Variants in DLG2 observed in about 807,000 individuals in gnomAD.
DLG2 encodes the protein discs large MAGUK scaffold protein 2, also known as disks large homolog 2.
In DLG2, 45 loss-of-function variants were observed where a neutral mutation model predicts 132.5. The observed-to-expected ratio is 0.34, with a 90% CI of 0.27 to 0.44. The LOEUF is 0.44. Ranked by LOEUF, DLG2 falls within the 20% of genes least tolerant of loss-of-function variation. DLG2 has a pLI of 1.00. For missense variants in DLG2, 1,045 were observed against 1,196.9 expected (o/e 0.87, Z 1.87); for synonymous variants, 424 against 419.6 (o/e 1.01, Z -0.13).
chr11:84,601,022 G>A lies in DLG2; in HGVS notation c.358-66291C>T, dbSNP rs2099575532. Among the ~76,000 whole-genome samples, 4 of 152,090 alleles carry A rather than the reference G, an allele frequency of 2.6e-5. No individual in the cohort carries two copies. The South Asian group carries it at 8.3e-4, about 32-fold the overall frequency. ...TTTGACTAATTAAAATATGAACTTT[G>A]CTCACTTCATTGTGTTTGGATTATA... On this transcript the variant is annotated intron_variant, in intron 6 of 27. Transcript: ENST00000376104.
intron 4 of DLG2, among the ~76,000 whole-genome samples, chr11:85,269,462 AG>A (rs1385662555): frequency 6.6e-6 from 1 of 152,228 alleles, no homozygotes; most frequent in Admixed American, 6.5e-5. Flanking sequence ...TGACTCCCCA[AG>A]GGGCAGAAAA....
At chr11:84,783,240 G>A (rs1328617378) in intron 6 of DLG2, among the ~76,000 whole-genome samples, 1 of 152,094 alleles carries the variant, frequency 6.6e-6, no homozygotes. Flanking sequence ...TCACTTACTA[G>A]CTATTTTCAT....
intron 4 of DLG2, among the ~76,000 whole-genome samples, chr11:85,246,256 G>A (rs960154555): frequency 6.6e-6 from 1 of 151,726 alleles, no homozygotes; most frequent in African/African-American, 2.4e-5. Context: ...CTCTAAATAA[G>A]TGCCCAAAAA....
intron 19 of DLG2, among the ~76,000 whole-genome samples, chr11:83,598,567 C>A (rs952161892): frequency 1.3e-5 from 2 of 152,074 alleles, no homozygotes; most frequent in Non-Finnish European, 2.9e-5. Context: ...CATTTGGATT[C>A]AAGAGTACTT....
chr11:83,496,159 G>A (rs1333811655), intron 21 of DLG2, among the ~76,000 whole-genome samples: 2 of 150,544 alleles, frequency 1.3e-5, no homozygotes, highest in African/African-American at 4.9e-5. Flanking sequence ...AAATGAGCTA[G>A]AGACTTGACT....
chr11:84,342,135 T>G (rs10898227), intron 7 of DLG2, among the ~76,000 whole-genome samples: 60,476 of 151,988 alleles, frequency 0.4, 16,561 homozygotes, highest in African/African-American at 0.78. Context: ...TGATGGGTCA[T>G]CTGGCTGTTC....
chr11:84,659,308 G>C (rs7110290), intron 6 of DLG2, among the ~76,000 whole-genome samples: 1 of 151,688 alleles, frequency 6.6e-6, no homozygotes, highest in Non-Finnish European at 1.5e-5. Context: ...CTAAAGTGTG[G>C]GCTCTCTATT....
chr11:85,005,867 C>T (rs2058613929), intron 6 of DLG2, among the ~76,000 whole-genome samples: 1 of 152,050 alleles, frequency 6.6e-6, no homozygotes, highest in East Asian at 1.9e-4. Context: ...ATGGGTCTGT[C>T]ATACATAGCT....
chr11:83,850,996 G>A (rs2059648051), intron 16 of DLG2, among the ~76,000 whole-genome samples: 1 of 152,030 alleles, frequency 6.6e-6, no homozygotes, highest in Admixed American at 6.5e-5. Flanking sequence ...CTAACACGGT[G>A]AAACCCCGTC....
chr11:84,313,546 A>G (rs796653244), intron 7 of DLG2, among the ~76,000 whole-genome samples: 1,157 of 44,178 alleles, frequency 0.026, 8 homozygotes, highest in Non-Finnish European at 0.041. Flanking sequence ...GGAAGGAAGG[A>G]AGGGAGGGAG....
In DLG2 at chr11:83,642,705, C is replaced by G. The variant is rs565504403; in HGVS notation, c.1826-9380G>C. Among the ~76,000 whole-genome samples the G allele has an allele frequency of 2.0e-4, 31 of 152,206 alleles. No individual in the cohort carries two copies. The Middle Eastern group carries it at 0.027, about 134-fold the overall frequency. ...CAGAAACTTCCTGAAGTTGGCAAAG[C>G]TTGTTTTCTTTGGCTGACAGGAGTA... On this transcript the variant is annotated intron_variant, in intron 18 of 27. Transcript: ENST00000376104.
At chr11:84,181,754 T>C (rs1188554800) in intron 8 of DLG2, among the ~76,000 whole-genome samples, 1 of 152,084 alleles carries the variant, frequency 6.6e-6, no homozygotes, top group Non-Finnish European at 1.5e-5. Flanking sequence ...GGAGCAGATA[T>C]CAACGCAAGA....
At chr11:84,751,099 A>G (rs909150991) in intron 6 of DLG2, among the ~76,000 whole-genome samples, 1 of 152,186 alleles carries the variant, frequency 6.6e-6, no homozygotes, top group Non-Finnish European at 1.5e-5. Flanking sequence ...TTGCACTTTT[A>G]GAGGAATTGA....
intron 17 of DLG2, among the ~76,000 whole-genome samples, chr11:83,801,695 T>C (rs2044429606): frequency 6.6e-6 from 1 of 152,148 alleles, no homozygotes; most frequent in Non-Finnish European, 1.5e-5. Flanking sequence ...TCCCAGCCTA[T>C]CTCTAATTCA....
intron 5 of DLG2, among the ~76,000 whole-genome samples, chr11:85,153,373 C>T (rs2077391905): frequency 6.6e-6 from 1 of 152,186 alleles, no homozygotes; most frequent in Non-Finnish European, 1.5e-5. Flanking sequence ...CATTAGTCAG[C>T]TTTCCTCTAA....
chr11:85,626,562 A>C (rs2082040962), intron 2 of DLG2, 25 bp downstream of exon 2: 1 of 152,192 alleles, frequency 6.6e-6, no homozygotes, highest in African/African-American at 2.4e-5. Context: ...AGAACCAACA[A>C]AAGGGAGAAA....
At chr11:84,735,600 T>C (rs377532652) in intron 6 of DLG2, among the ~76,000 whole-genome samples, 14 of 152,194 alleles carry the variant, frequency 9.2e-5, no homozygotes, top group Non-Finnish European at 1.5e-4. Context: ...CCTGGATTCA[T>C]TGAATTTTTG....
chr11:84,747,384 T>A (rs1044386032), intron 6 of DLG2, among the ~76,000 whole-genome samples: 1 of 152,138 alleles, frequency 6.6e-6, no homozygotes, highest in African/African-American at 2.4e-5. Flanking sequence ...GGAACTAAAT[T>A]TCAGCTATTA....
chr11:84,089,639 G>A (rs1348842352), intron 10 of DLG2, among the ~76,000 whole-genome samples: 2 of 152,166 alleles, frequency 1.3e-5, no homozygotes, highest in African/African-American at 4.8e-5. Context: ...AAACATGTAT[G>A]TTGTCTTGGT....
Sources: allele counts gnomAD v4.1 joint callset (sites outside exome capture counted in the v4.1 genomes callset), GRCh38; gene constraint gnomAD v4.1.1; transcripts MANE v1.5; gene names NCBI Gene and HGNC (gene_info 2026-07-23, HGNC 2026-07-21).